The following TRMT61B variants were observed in gnomAD, a reference collection of about 807,000 sequenced individuals.
TRMT61B encodes tRNA methyltransferase 61B.
Under a neutral mutation model 52.0 loss-of-function variants are expected in TRMT61B, and 56 were observed. The observed-to-expected ratio is 1.08, with a 90% CI of 0.87 to 1.35. The LOEUF (loss-of-function observed/expected upper bound fraction) is 1.35. Among genes scored for constraint, TRMT61B ranks in the 40% most tolerant of loss-of-function variants. The probability of loss-of-function intolerance (pLI) is 0.00; values close to 1 mark genes in which losing one functional copy is unlikely to be tolerated. For synonymous variants in TRMT61B, 206 were observed against 220.0 expected (o/e 0.94, Z 0.56); for missense variants, 650 against 577.9 (o/e 1.12, Z -1.28).
intron 3 of TRMT61B, among the ~76,000 whole-genome samples, chr2:28,855,814 C>A (rs940696058): frequency 1.3e-5 from 2 of 151,906 alleles, no homozygotes; most frequent in African/African-American, 2.4e-5. Context: ...ACTAAAGATA[C>A]AAAAAAATTA....
intron 1 of TRMT61B, among the ~76,000 whole-genome samples, chr2:28,868,530 G>A (rs1446164958): frequency 2.0e-5 from 3 of 152,222 alleles, no homozygotes; most frequent in Non-Finnish European, 4.4e-5. Flanking sequence ...TGTTGAGGGT[G>A]AGGACTGCAG....
Position 28,865,097 on chromosome 2 carries a change from A to G in TRMT61B, c.722T>C (p.Met241Thr). 1.9e-6 allele frequency: 3 copies of G among 1,609,194 alleles called. No homozygotes were observed. The highest frequency in any genetic ancestry group is 2.6e-6 in the Non-Finnish European group (3 of 1,175,826). Residue 241 changes from methionine (M) to threonine (T), a missense_variant, in exon 2 of 7, where the codon ATG (methionine) becomes ACG (threonine). Transcript: ENST00000306108. The part of the protein sequence containing the change: ...FPKDINMILS[M>T]MDINPGDTVL... ...AGTATCACCTGGGTTGATATCCATC[A>G]TTGAGAGAATCATATTAATATCCTA...
intron 5 of TRMT61B, chr2:28,850,671 G>A (rs1423188707): frequency 2.7e-6 from 1 of 374,614 alleles, no homozygotes; most frequent in Non-Finnish European, 4.7e-6. Flanking sequence ...CCTAAATAAT[G>A]TGTATATATG....
chr2:28,868,460 G>A (rs747440691), intron 1 of TRMT61B, among the ~76,000 whole-genome samples: 1 of 152,154 alleles, frequency 6.6e-6, no homozygotes, highest in Non-Finnish European at 1.5e-5. Context: ...TACTGGAAAT[G>A]ACCTTATTCT....
rs748851162 is a variant in TRMT61B at position 28,851,290 on chromosome 2, T to A, written c.1094A>T (p.Gln365Leu). ...AATTCCATCTAAAAGTTCAATAACC[T>A]GTGTGATGCTTTCAGAAAAGTGAAA... ...VCAVYVVNIT[Q>L]VIELLDGIRT... Residue 365 changes from glutamine to leucine, a missense_variant, in exon 5 of 7, where the codon CAG becomes CTG. Transcript: ENST00000306108. 1.3e-6 allele frequency: 2 copies of A among 1,590,820 alleles called. No homozygotes were observed. Among genetic ancestry groups the A allele is most frequent in the Admixed American group, 3.7e-5 (2 of 53,852 alleles).
At position 28,851,146 on chromosome 2, in the gene TRMT61B, A is replaced by AT. The variant is rs777590594; in HGVS notation, c.1237dup (p.Ile413AsnfsTer16). The stretch of plus-strand genomic sequence containing the variant: ...AGAATCTAGTTGTACATCTGTGTTG[A>AT]TTTTAGATTCTACTTTTTGAGCTAA... On this transcript the variant is annotated frameshift_variant, in exon 5 of 7. Transcript: ENST00000306108. LOFTEE classifies it high-confidence loss of function. 80 of 1,613,380 alleles carry AT rather than the reference A, an allele frequency of 5.0e-5. No homozygotes were observed. The highest frequency in any genetic ancestry group is 6.2e-5 in the Non-Finnish European group (73 of 1,179,866).
At chr2:28,855,617 G>A (rs1488581088) in intron 3 of TRMT61B, among the ~76,000 whole-genome samples, 1 of 152,162 alleles carries the variant, frequency 6.6e-6, no homozygotes, top group African/African-American at 2.4e-5. Flanking sequence ...TATGGGAGGA[G>A]CAAGCTTGGG....
At chr2:28,867,580 C>T (rs1475589999) in intron 1 of TRMT61B, among the ~76,000 whole-genome samples, 1 of 152,120 alleles carries the variant, frequency 6.6e-6, no homozygotes, top group Non-Finnish European at 1.5e-5. Flanking sequence ...TACTTAAATT[C>T]CTCCTTAGAG....
At chr2:28,850,792 T>C (rs1461631079) in intron 5 of TRMT61B, among the ~76,000 whole-genome samples, 1 of 152,180 alleles carries the variant, frequency 6.6e-6, no homozygotes, top group Non-Finnish European at 1.5e-5. Flanking sequence ...GTGATCTAAA[T>C]ATAAAACATC....
intron 3 of TRMT61B, among the ~76,000 whole-genome samples, chr2:28,858,717 C>G (rs930026052): frequency 4.1e-5 from 6 of 146,916 alleles, no homozygotes; most frequent in Non-Finnish European, 1.5e-5. Flanking sequence ...ATCGCTTGAA[C>G]CCGGGAGGCG....
intron 2 of TRMT61B, among the ~76,000 whole-genome samples, chr2:28,864,280 A>G (rs1461845631): frequency 6.6e-6 from 1 of 152,164 alleles, no homozygotes; most frequent in East Asian, 1.9e-4. Context: ...CTAAGTATTC[A>G]CCTGGCACTA....
chr2:28,850,255 A>G lies in TRMT61B; in HGVS notation c.1391-13T>C. 2 of 1,610,342 alleles carry G rather than the reference A, an allele frequency of 1.2e-6. No homozygotes were observed. The highest frequency in any genetic ancestry group is 1.7e-6 in the Non-Finnish European group (2 of 1,177,832). On this transcript the variant is annotated splice_polypyrimidine_tract_variant and intron_variant, in intron 6 of 6. Coordinates refer to ENST00000306108, the MANE Select transcript of TRMT61B (RefSeq NM_017910.4). ...TTGACAAGAAAAGCTAATTTAAGAGAAGAAAAACATAAAGTCATTATATTA... is the reference window on the plus strand; with the variant it reads ...TTGACAAGAAAAGCTAATTTAAGAGGAGAAAAACATAAAGTCATTATATTA...
At chr2:28,853,073 A>C (rs996014171) in intron 3 of TRMT61B, among the ~76,000 whole-genome samples, 1 of 152,218 alleles carries the variant, frequency 6.6e-6, no homozygotes, top group African/African-American at 2.4e-5. Context: ...GTATATATGA[A>C]TATAACCAAA....
chr2:28,857,466 G>C (rs545998101), intron 3 of TRMT61B, among the ~76,000 whole-genome samples: 4 of 152,044 alleles, frequency 2.6e-5, no homozygotes, highest in Non-Finnish European at 5.9e-5. Context: ...AAGCTTTAAA[G>C]GGAGAATAGA....
rs959068042 is a variant in TRMT61B at position 28,870,116 on chromosome 2, G to C, written c.162C>G (p.His54Gln). ...CTGGGGCTTTCCTTTGTGCCGCCTCGTGCTCTCTTTCTCCATCTCGCAGGT... is the reference window on the plus strand; with the variant it reads ...CTGGGGCTTTCCTTTGTGCCGCCTCCTGCTCTCTTTCTCCATCTCGCAGGT... ...PRDLRDGERE[H>Q]EAAQRKAPGA... is the part of the protein sequence containing the mutation. Residue 54 changes from histidine (H) to glutamine (Q), a missense_variant, in exon 1 of 7, where the codon CAC (histidine) becomes CAG (glutamine). Physicochemically the swap from His to Gln is conservative, Grantham distance 24. Coordinates refer to ENST00000306108, the MANE Select transcript of TRMT61B (RefSeq NM_017910.4). The C allele has an allele frequency of 6.2e-7, 1 of 1,614,050 alleles. No individual in the cohort carries two copies.
At chr2:28,865,402 A>G (rs753372627) in intron 1 of TRMT61B, among the ~76,000 whole-genome samples, 5 of 152,232 alleles carry the variant, frequency 3.3e-5, no homozygotes, top group Non-Finnish European at 4.4e-5. Context: ...TTATGGGAAC[A>G]ATCACAAGGT....
At chr2:28,862,247 C>T (rs1378109879) in intron 2 of TRMT61B, among the ~76,000 whole-genome samples, 1 of 147,066 alleles carries the variant, frequency 6.8e-6, no homozygotes, top group Non-Finnish European at 1.5e-5. Flanking sequence ...TATCTCCATA[C>T]TCTCCCTAAG....
chr2:28,866,560 A>G (rs921717690), intron 1 of TRMT61B, among the ~76,000 whole-genome samples: 1 of 152,116 alleles, frequency 6.6e-6, no homozygotes, highest in Admixed American at 6.6e-5. Flanking sequence ...CAAGAGATGG[A>G]GCTCAGGCAG....
Position 28,855,109 on chromosome 2 carries a change from G to A in TRMT61B, c.994-2610C>T, listed in dbSNP as rs186405988. Among the ~76,000 whole-genome samples the A allele has an allele frequency of 2.9e-3, 437 of 152,220 alleles. 1 individual carries two copies. Among genetic ancestry groups the A allele is most frequent in the Non-Finnish European group, 3.1e-3 (208 of 68,016 alleles). On this transcript the variant is annotated intron_variant, in intron 3 of 6. Coordinates refer to ENST00000306108, the MANE Select transcript of TRMT61B (RefSeq NM_017910.4). ...GCAAATATTTAATACAAACACTCAG[G>A]TAGTAGGCTACTTGGGGAGTCTGTT...
Sources: gnomAD v4.1 joint callset for allele counts (sites outside exome capture counted in the v4.1 genomes callset) on GRCh38, gnomAD v4.1.1 for gene constraint, MANE v1.5 for transcripts, NCBI Gene and HGNC (gene_info 2026-07-23, HGNC 2026-07-21) for gene names.